The following ROR1 variants were observed in gnomAD, a reference collection of about 807,000 sequenced individuals.
ROR1 encodes ROR family WNT receptor 1, also known as inactive tyrosine-protein kinase transmembrane receptor ROR1.
In ROR1, 19 loss-of-function variants were observed where a neutral mutation model predicts 78.8. The ratio of observed to expected loss-of-function variants is 0.24; its 90% CI spans 0.17 to 0.35. The LOEUF (loss-of-function observed/expected upper bound fraction) is 0.35. ROR1 is among the 10% of genes least tolerant of loss of function. The pLI, the probability that ROR1 is intolerant of heterozygous loss-of-function variation, is 1.00. For missense variants in ROR1, 917 were observed against 1,177.8 expected, an observed-to-expected ratio of 0.78 and a Z score of 3.24; for synonymous variants, 386 against 433.6, an observed-to-expected ratio of 0.89 and a Z score of 1.36.
chr1:63,936,660 C>T lies in ROR1; in HGVS notation c.92-72645C>T, dbSNP rs377686732. Among the ~76,000 whole-genome samples the T allele has an allele frequency of 5.3e-5, 8 of 152,286 alleles. No homozygotes were observed. The East Asian group carries it at 1.5e-3, about 29-fold the overall frequency. On this transcript the variant is annotated intron_variant, in intron 1 of 8. Coordinates refer to ENST00000371079, the MANE Select transcript of ROR1 (RefSeq NM_005012.4). ...GTCACACACCACACAATGTAGTGAT[C>T]TGGGAACTGGCCTTGGAATAACACA...
chr1:63,959,300 G>A (rs959414483), intron 1 of ROR1, among the ~76,000 whole-genome samples: 1 of 133,126 alleles, frequency 7.5e-6, no homozygotes, highest in African/African-American at 3.9e-5. Context: ...CCAATGACAC[G>A]TGGGGATTAG....
intron 4 of ROR1, among the ~76,000 whole-genome samples, chr1:64,083,978 A>G (rs1266567292): frequency 6.6e-6 from 1 of 152,210 alleles, no homozygotes; most frequent in Non-Finnish European, 1.5e-5. Flanking sequence ...TACTGGTCCA[A>G]AGGACTGTGA....
intron 1 of ROR1, among the ~76,000 whole-genome samples, chr1:63,971,972 G>A (rs990858603): frequency 6.6e-6 from 1 of 152,116 alleles, no homozygotes; most frequent in Non-Finnish European, 1.5e-5. Flanking sequence ...CCTTTCCACT[G>A]TATACCGTTC....
rs964716752 is a variant in ROR1 at position 63,996,410 on chromosome 1, A to G, written c.92-12895A>G. 5.3e-5 allele frequency among the ~76,000 whole-genome samples: 8 copies of G among 152,228 alleles called. No individual in the cohort carries two copies. The East Asian group carries it at 9.6e-4, about 18-fold the overall frequency. ...AGTAATGACATGGTGCAGGAAACCCAGTCCAGACAGGCGAAACATTTTAAA... is the reference window on the plus strand; with the variant it reads ...AGTAATGACATGGTGCAGGAAACCCGGTCCAGACAGGCGAAACATTTTAAA... On this transcript the variant is annotated intron_variant, in intron 1 of 8. Transcript: ENST00000371079.
intron 5 of ROR1, 96 bp downstream of exon 5, chr1:64,137,592 C>T: frequency 1.6e-6 from 2 of 1,253,684 alleles, no homozygotes; most frequent in East Asian, 2.4e-5. Flanking sequence ...GGATTAAGCT[C>T]AGCATGGAGG....
At chr1:63,806,847 A>C (rs966964162) in intron 1 of ROR1, among the ~76,000 whole-genome samples, 11 of 152,230 alleles carry the variant, frequency 7.2e-5, no homozygotes, top group African/African-American at 2.4e-4. Flanking sequence ...AAGCCATTTC[A>C]GAATCTGCCT....
chr1:64,176,133 T>C (rs1255969047), intron 8 of ROR1, among the ~76,000 whole-genome samples: 1 of 152,216 alleles, frequency 6.6e-6, no homozygotes, highest in African/African-American at 2.4e-5. Context: ...AATGTCATGA[T>C]TCAATACTTA....
chr1:64,127,273 T>C (rs1443027603), intron 4 of ROR1, among the ~76,000 whole-genome samples: 2 of 152,184 alleles, frequency 1.3e-5, no homozygotes, highest in African/African-American at 4.8e-5. Context: ...TGCAAGAAAT[T>C]TGGAGCAAGA....
intron 1 of ROR1, among the ~76,000 whole-genome samples, chr1:63,845,766 G>A (rs1645076626): frequency 1.3e-5 from 2 of 152,146 alleles, no homozygotes; most frequent in Admixed American, 1.3e-4. Context: ...AGTGTCTGCT[G>A]TGCCCCAGAT....
chr1:64,084,226 C>A (rs1452531425), intron 4 of ROR1, among the ~76,000 whole-genome samples: 1 of 152,170 alleles, frequency 6.6e-6, no homozygotes, highest in East Asian at 1.9e-4. Flanking sequence ...TATCCAAGAA[C>A]CACAATGCTC....
chr1:64,178,705 G>A lies in ROR1; in HGVS notation c.2664G>A (p.Met888Ile). 2.5e-6 allele frequency: 4 copies of A among 1,614,060 alleles called. No homozygotes were observed. The highest frequency in any genetic ancestry group is 2.5e-6 in the Non-Finnish European group (3 of 1,180,028). Residue 888 changes from methionine to isoleucine, a missense_variant, in exon 9 of 9, where the codon ATG (methionine) becomes ATA (isoleucine). Around this residue, in one of 3 missense-constraint regions of ROR1, gnomAD observed 835 missense variants for 1,069.8 expected, o/e 0.78. Transcript: ENST00000371079. This position sits in a 1 kb window ranked among gnomAD's most constrained non-coding sequence, Gnocchi z 4.3. ...CAAATATTCCTTTACTACCACACAT[G>A]TCAATTCCAAATCATCCTGGTGGAA... ...QEANIPLLPH[M>I]SIPNHPGGMG...
At position 63,963,568 on chromosome 1, in the gene ROR1, C is replaced by CA. The variant is rs1433028576; in HGVS notation, c.92-45730dup. On this transcript the variant is annotated intron_variant, in intron 1 of 8. Transcript: ENST00000371079. ...TGGGTGACAGAGCAAGACTCTGTCT[C>CA]AAAAAAACAAAACAAAACAAAAAAA... Among the ~76,000 whole-genome samples the CA allele has an allele frequency of 5.2e-5, 5 of 96,430 alleles. No homozygotes were observed. In the South Asian group the frequency reaches 9.0e-4, roughly 17 times the overall value. The allele number at this position is 96,430 out of a possible 152,430, so 63.3% of individuals were successfully genotyped here.
rs370392833 is a variant in ROR1 at position 64,151,680 on chromosome 1, C to G, written c.1175-7301C>G. Among the ~76,000 whole-genome samples, 3 of 150,552 alleles carry G rather than the reference C, an allele frequency of 2.0e-5. No individual in the cohort carries two copies. In the South Asian group the frequency reaches 6.4e-4, roughly 32 times the overall value. On this transcript the variant is annotated intron_variant, in intron 7 of 8. Coordinates refer to ENST00000371079, the MANE Select transcript of ROR1 (RefSeq NM_005012.4). The stretch of plus-strand genomic sequence containing the variant: ...TTAAGGTCAGGAGTTCAAAACCAGC[C>G]TGGCCAACATGGTGAAACCCCATCT...
intron 8 of ROR1, among the ~76,000 whole-genome samples, chr1:64,172,565 T>C (rs1650270376): frequency 6.6e-6 from 1 of 151,836 alleles, no homozygotes; most frequent in African/African-American, 2.4e-5. Flanking sequence ...ATGGAGGGAG[T>C]GATAAAGAGA....
chr1:63,793,235 G>C (rs1018975114), intron 1 of ROR1, among the ~76,000 whole-genome samples: 4 of 152,300 alleles, frequency 2.6e-5, no homozygotes, highest in African/African-American at 9.6e-5. Flanking sequence ...ATAATTGATG[G>C]TGAGCCTGGA....
chr1:63,967,841 G>A (rs1646087391), intron 1 of ROR1, among the ~76,000 whole-genome samples: 1 of 152,110 alleles, frequency 6.6e-6, no homozygotes, highest in Admixed American at 6.6e-5. Context: ...GTCACCTTGG[G>A]GCATTTGGGT....
chr1:63,962,093 C>T (rs1462535234), intron 1 of ROR1, among the ~76,000 whole-genome samples: 1 of 152,084 alleles, frequency 6.6e-6, no homozygotes, highest in Non-Finnish European at 1.5e-5. Context: ...AACCCCATGT[C>T]TACTAAAAAT....
intron 1 of ROR1, among the ~76,000 whole-genome samples, chr1:63,890,224 A>G (rs1645384647): frequency 6.6e-6 from 1 of 151,992 alleles, no homozygotes; most frequent in Non-Finnish European, 1.5e-5. Context: ...CATACTTCTG[A>G]AGCTCCTTTT....
rs1644604209 is a variant in ROR1, at chr1:63,774,876, T to A, written c.91+368T>A. 1.3e-5 allele frequency among the ~76,000 whole-genome samples: 2 copies of A among 152,032 alleles called. No homozygotes were observed. The highest frequency in any genetic ancestry group is 4.8e-5 in the African/African-American group (2 of 41,416). On this transcript the variant is annotated intron_variant, in intron 1 of 8. Coordinates refer to ENST00000371079, the MANE Select transcript of ROR1 (RefSeq NM_005012.4). The surrounding 1 kb of genome is among the most constrained non-coding windows in gnomAD (Gnocchi z 5.7). ...TGGACCTCTAGCGCGCCCCAGCCGG[T>A]GTTCAGGCAAGTCTATCCTGCCCCC...
Sources: gnomAD v4.1 joint callset for allele counts (sites outside exome capture counted in the v4.1 genomes callset) on GRCh38, gnomAD v4.1.1 for gene constraint, gnomAD v4.1.1 regional missense constraint, Gnocchi (gnomAD v3.1) non-coding constraint, MANE v1.5 for transcripts, NCBI Gene and HGNC (gene_info 2026-07-23, HGNC 2026-07-21) for gene names.